The following COL24A1 variants were observed in gnomAD, a reference collection of about 807,000 sequenced individuals.
COL24A1 encodes the protein collagen type XXIV alpha 1 chain.
COL24A1 carries 224 observed loss-of-function variants against 253.9 expected under a neutral mutation model. The observed-to-expected ratio is 0.88, with a 90% confidence interval of 0.79 to 0.99. The LOEUF is 0.99. COL24A1 is among the 50% of genes least tolerant of loss of function. The pLI, the probability that COL24A1 is intolerant of heterozygous loss-of-function variation, is 0.00. For synonymous variants in COL24A1, 685 were observed against 673.7 expected (o/e 1.02, Z -0.26); for missense variants, 2,131 against 2,068.5 (o/e 1.03, Z -0.59).
intron 1 of COL24A1, among the ~76,000 whole-genome samples, chr1:86,151,827 T>C (rs1049763571): frequency 2.6e-5 from 4 of 152,226 alleles, no homozygotes; most frequent in Admixed American, 6.5e-5. Flanking sequence ...ATTCAATTTA[T>C]AATAGTGGGA....
intron 25 of COL24A1, 60 bp downstream of exon 25, chr1:85,911,320 T>A: frequency 7.8e-7 from 1 of 1,284,484 alleles, no homozygotes. Context: ...TATGAAAGTC[T>A]GCCTTTTGAA....
intron 24 of COL24A1, among the ~76,000 whole-genome samples, chr1:85,921,557 C>G (rs1194463030): frequency 6.6e-6 from 1 of 152,182 alleles, no homozygotes; most frequent in African/African-American, 2.4e-5. Flanking sequence ...CTCCAGCAAA[C>G]TCCAACAGAC....
chr1:85,878,657 A>T (rs767615097), intron 32 of COL24A1, among the ~76,000 whole-genome samples: 6 of 152,208 alleles, frequency 3.9e-5, no homozygotes, highest in Non-Finnish European at 7.3e-5. Flanking sequence ...AAAAACTGCC[A>T]TACTGTCTTC....
intron 5 of COL24A1, among the ~76,000 whole-genome samples, chr1:86,104,195 A>G (rs1027932943): frequency 1.3e-5 from 2 of 151,866 alleles, no homozygotes; most frequent in African/African-American, 2.4e-5. Flanking sequence ...TTGTATTATG[A>G]AATTCTTATG....
intron 20 of COL24A1, among the ~76,000 whole-genome samples, chr1:85,972,956 T>C (rs1342528568): frequency 2.0e-5 from 3 of 152,236 alleles, no homozygotes; most frequent in Non-Finnish European, 2.9e-5. Flanking sequence ...CTGAATTCAG[T>C]TGTGATTGAA....
At chr1:86,137,108 G>A (rs888629160) in intron 2 of COL24A1, among the ~76,000 whole-genome samples, 15 of 152,048 alleles carry the variant, frequency 9.9e-5, no homozygotes, top group African/African-American at 3.6e-4. Flanking sequence ...ATTAGGGGTT[G>A]AATTTAGATA....
chr1:86,134,563 G>T (rs1649902010), intron 2 of COL24A1, among the ~76,000 whole-genome samples: 1 of 149,390 alleles, frequency 6.7e-6, no homozygotes, highest in Non-Finnish European at 1.5e-5. Context: ...GGTTCTCGTT[G>T]GTTTCAAAGA....
intron 24 of COL24A1, among the ~76,000 whole-genome samples, chr1:85,915,926 C>A (rs1395552289): frequency 1.3e-5 from 2 of 152,048 alleles, no homozygotes; most frequent in African/African-American, 4.8e-5. Flanking sequence ...AGTGATAAAT[C>A]CTTTTTCTAA....
chr1:85,811,729 T>C (rs1672565742), intron 47 of COL24A1, among the ~76,000 whole-genome samples: 1 of 152,222 alleles, frequency 6.6e-6, no homozygotes, highest in African/African-American at 2.4e-5. Context: ...TATCCTTCCA[T>C]GGGATTACTG....
chr1:85,781,356 A>G, intron 51 of COL24A1, 83 bp from the exon 52 acceptor site: 2 of 894,014 alleles, frequency 2.2e-6, no homozygotes, highest in South Asian at 1.6e-5. Context: ...TACAATGGTA[A>G]AAGAGCCATG....
chr1:86,139,467 G>A (rs918402916), intron 2 of COL24A1, among the ~76,000 whole-genome samples: 12 of 152,126 alleles, frequency 7.9e-5, no homozygotes, highest in Admixed American at 4.6e-4. Context: ...TCACAAATTG[G>A]AAGAAGAAGA....
intron 7 of COL24A1, among the ~76,000 whole-genome samples, chr1:86,084,234 A>C (rs1702883641): frequency 6.6e-6 from 1 of 152,244 alleles, no homozygotes; most frequent in South Asian, 2.1e-4. Flanking sequence ...AAAATAATGT[A>C]AGCACTTCTT....
chr1:85,954,615 A>T (rs1690248230), intron 24 of COL24A1, among the ~76,000 whole-genome samples: 1 of 152,174 alleles, frequency 6.6e-6, no homozygotes, highest in Non-Finnish European at 1.5e-5. Context: ...ATCAGTTCTC[A>T]ATAAATGGTA....
intron 3 of COL24A1, among the ~76,000 whole-genome samples, chr1:86,115,980 C>T (rs1253544778): frequency 6.6e-6 from 1 of 152,136 alleles, no homozygotes; most frequent in African/African-American, 2.4e-5. Flanking sequence ...TCAATTGTTA[C>T]AGTGTTCTGA....
At chr1:85,956,113 C>T (rs1690439551) in intron 24 of COL24A1, among the ~76,000 whole-genome samples, 1 of 152,134 alleles carries the variant, frequency 6.6e-6, no homozygotes, top group Non-Finnish European at 1.5e-5. Flanking sequence ...TCCAGGTCTG[C>T]TACTTACTCA....
At chr1:86,149,527 TTAAG>T (rs1157874231) in intron 1 of COL24A1, among the ~76,000 whole-genome samples, 1 of 152,226 alleles carries the variant, frequency 6.6e-6, no homozygotes, top group Non-Finnish European at 1.5e-5. Context: ...TTATGCTGTC[TTAAG>T]TATAAAGTTG....
intron 24 of COL24A1, among the ~76,000 whole-genome samples, chr1:85,929,754 A>G (rs2103082265): frequency 6.7e-6 from 1 of 149,294 alleles, no homozygotes; most frequent in East Asian, 2.0e-4. Flanking sequence ...CAGTGCAATC[A>G]AACTAGAACT....
At chr1:85,855,378 G>A (rs1678304558) in intron 37 of COL24A1, among the ~76,000 whole-genome samples, 1 of 152,010 alleles carries the variant, frequency 6.6e-6, no homozygotes, top group Non-Finnish European at 1.5e-5. Context: ...ATTATTTTGA[G>A]GTATGTACTT....
Position 86,057,726 on chromosome 1 carries a change from T to C in COL24A1, c.1851+205A>G, listed in dbSNP as rs553817580. On this transcript the variant is annotated intron_variant, in intron 10 of 59. Coordinates refer to ENST00000370571, the MANE Select transcript of COL24A1 (RefSeq NM_152890.7). ...AGACATTATGCTATGGAAATAAATATAAAATAATGATGCAAAACCTACCAC... is the reference window on the plus strand; with the variant it reads ...AGACATTATGCTATGGAAATAAATACAAAATAATGATGCAAAACCTACCAC... Among the ~76,000 whole-genome samples the C allele has an allele frequency of 3.9e-5, 6 of 152,276 alleles. No homozygotes were observed. The South Asian group carries it at 1.2e-3, about 32-fold the overall frequency.
Sources: allele counts gnomAD v4.1 joint callset (sites outside exome capture counted in the v4.1 genomes callset), GRCh38; gene constraint gnomAD v4.1.1; transcripts MANE v1.5; gene names NCBI Gene and HGNC (gene_info 2026-07-23, HGNC 2026-07-21).